Variants in ROBO2 observed in about 807,000 individuals in gnomAD.
ROBO2 encodes the protein roundabout homolog 2.
Under a neutral mutation model 160.8 loss-of-function variants are expected in ROBO2, and 53 were observed. That is an observed-to-expected ratio of 0.33 (90% confidence interval 0.26 to 0.41). The LOEUF is 0.41. ROBO2 is among the 10% of genes least tolerant of loss of function. ROBO2 has a pLI of 1.00. For synonymous variants in ROBO2, 664 were observed against 611.7 expected, an observed-to-expected ratio of 1.09 and a Z score of -1.26; for missense variants, 1,577 against 1,722.4, an observed-to-expected ratio of 0.92 and a Z score of 1.49.
intron 5 of ROBO2, among the ~76,000 whole-genome samples, chr3:77,520,610 T>G (rs2090497290): frequency 6.6e-6 from 1 of 151,146 alleles, no homozygotes; most frequent in African/African-American, 2.4e-5. Context: ...CTCTTGTAGC[T>G]CTTGAAAAAA....
At chr3:77,029,006 G>T (rs1356491125) in intron 2 of ROBO2, among the ~76,000 whole-genome samples, 1 of 152,082 alleles carries the variant, frequency 6.6e-6, no homozygotes, top group East Asian at 1.9e-4. Context: ...AATTTGGTCC[G>T]GGATTTTTGT....
chr3:76,324,607 G>A lies in ROBO2; in HGVS notation c.109+387005G>A, dbSNP rs2072855455. On this transcript the variant is annotated intron_variant, in intron 2 of 26. Coordinates refer to the ROBO2 transcript ENST00000487694. ...TGTGTTGTGTGTAGATTCAAAACAT[G>A]TTTAAGATCCACGTGAGTCTAATTT... 1.3e-5 allele frequency among the ~76,000 whole-genome samples: 2 copies of A among 151,620 alleles called. 1 individual carries two copies. Among genetic ancestry groups the A allele is most frequent in the South Asian group, 4.2e-4 (2 of 4,794 alleles).
intron 1 of ROBO2, among the ~76,000 whole-genome samples, chr3:75,922,655 A>G (rs970962356): frequency 5.3e-5 from 8 of 152,146 alleles, no homozygotes; most frequent in Admixed American, 3.9e-4. Context: ...AATAGAGAGC[A>G]TTATTGATAC....
At chr3:77,595,544 TAATC>T (rs2094283037) in intron 18 of ROBO2, among the ~76,000 whole-genome samples, 1 of 152,232 alleles carries the variant, frequency 6.6e-6, no homozygotes, top group Admixed American at 6.5e-5. Flanking sequence ...CAATTACACA[TAATC>T]GATCACAAAG....
At chr3:77,450,923 G>T (rs1006846746) in intron 2 of ROBO2, among the ~76,000 whole-genome samples, 11 of 147,554 alleles carry the variant, frequency 7.5e-5, no homozygotes, top group African/African-American at 2.7e-4. Context: ...TGAAAGAATT[G>T]CACATTTCAT....
chr3:77,399,603 G>T (rs1402793471), intron 2 of ROBO2, among the ~76,000 whole-genome samples: 2 of 152,076 alleles, frequency 1.3e-5, no homozygotes, highest in Non-Finnish European at 2.9e-5. Flanking sequence ...ATAACATGTG[G>T]TTAGACCATA....
chr3:76,022,010 C>A (rs1041318502), intron 2 of ROBO2, among the ~76,000 whole-genome samples: 1 of 151,522 alleles, frequency 6.6e-6, no homozygotes, highest in Non-Finnish European at 1.5e-5. Flanking sequence ...GCTCTATCAA[C>A]TAAGTTTCTG....
chr3:77,196,342 T>A (rs1330057533), intron 2 of ROBO2, among the ~76,000 whole-genome samples: 2 of 146,964 alleles, frequency 1.4e-5, no homozygotes, highest in African/African-American at 5.1e-5. Flanking sequence ...TTTTTTTTTT[T>A]AACCTGGAAC....
At position 77,587,814 on chromosome 3, in the gene ROBO2, G is replaced by T. The variant is rs140003744; in HGVS notation, c.2501-937G>T. 1.7e-3 allele frequency among the ~76,000 whole-genome samples: 264 copies of T among 152,152 alleles called. 2 individuals carry two copies. The highest frequency in any genetic ancestry group is 2.7e-3 in the Non-Finnish European group (185 of 67,992). On this transcript the variant is annotated intron_variant, in intron 16 of 25. Transcript: ENST00000461745. ...TTTGCTTACCATTTACCTTTTAAAA[G>T]TCTTTCATTAATCACTAATTAGGCA...
intron 5 of ROBO2, among the ~76,000 whole-genome samples, chr3:77,518,147 A>C (rs1323730293): frequency 6.6e-6 from 1 of 151,456 alleles, no homozygotes; most frequent in Non-Finnish European, 1.5e-5. Context: ...ATATGTTATC[A>C]TATATAGAAG....
chr3:77,302,651 G>C (rs571807176), intron 2 of ROBO2, among the ~76,000 whole-genome samples: 1 of 152,154 alleles, frequency 6.6e-6, no homozygotes, highest in Admixed American at 6.6e-5. Flanking sequence ...CAGCTCACTC[G>C]ATTATTATAA....
chr3:76,938,971 CAAAAAA>C (rs71629626), intron 2 of ROBO2, among the ~76,000 whole-genome samples: 1 of 114,582 alleles, frequency 8.7e-6, no homozygotes, highest in African/African-American at 3.1e-5. Context: ...AACTCAGTCT[CAAAAAA>C]AAAAAAAAAA....
chr3:75,942,044 C>T (rs541921124), intron 2 of ROBO2, among the ~76,000 whole-genome samples: 1 of 152,158 alleles, frequency 6.6e-6, no homozygotes, highest in South Asian at 2.1e-4. Context: ...TTTTATTGTT[C>T]CCTTCATTTT....
intron 2 of ROBO2, among the ~76,000 whole-genome samples, chr3:76,383,978 T>A (rs902855416): frequency 2.0e-5 from 3 of 152,202 alleles, no homozygotes; most frequent in Non-Finnish European, 4.4e-5. Flanking sequence ...AACTGGCAGA[T>A]GTCAGAGCAT....
intron 2 of ROBO2, among the ~76,000 whole-genome samples, chr3:77,010,317 C>A (rs2061807174): frequency 6.6e-6 from 1 of 152,280 alleles, no homozygotes; most frequent in South Asian, 2.1e-4. Flanking sequence ...TGGACTGTTA[C>A]AATAGTTTTA....
In ROBO2 at chr3:77,623,276, C is replaced by T. The variant is rs376351792; in HGVS notation, c.3760+844C>T. Reference sequence around the variant, plus strand: ...AGACCGAGCTACTACAAACTGAAGTCTGGTCTCTGCATTTCACTGGGTCTT... The same window carrying T: ...AGACCGAGCTACTACAAACTGAAGTTTGGTCTCTGCATTTCACTGGGTCTT... On this transcript the variant is annotated intron_variant, in intron 23 of 25. Transcript: ENST00000461745. 3.3e-5 allele frequency among the ~76,000 whole-genome samples: 5 copies of T among 151,706 alleles called. No homozygotes were observed. The East Asian group carries it at 9.8e-4, about 30-fold the overall frequency.
At chr3:76,613,685 G>A (rs549973231) in intron 2 of ROBO2, among the ~76,000 whole-genome samples, 1 of 151,906 alleles carries the variant, frequency 6.6e-6, no homozygotes, top group African/African-American at 2.4e-5. Flanking sequence ...AAGGAGAGGG[G>A]CGTGAGTTAA....
chr3:76,237,329 T>A (rs1705006844), intron 2 of ROBO2, among the ~76,000 whole-genome samples: 1 of 152,196 alleles, frequency 6.6e-6, no homozygotes, highest in African/African-American at 2.4e-5. Flanking sequence ...ATTAATGGTT[T>A]TGTTTTTTCT....
intron 2 of ROBO2, among the ~76,000 whole-genome samples, chr3:76,028,654 G>A (rs55910238): frequency 0.055 from 8,297 of 151,846 alleles, 736 homozygotes; most frequent in African/African-American, 0.18. Flanking sequence ...ACTATGGTGC[G>A]GTATAAAATT....
Sources: gnomAD v4.1 joint callset for allele counts (sites outside exome capture counted in the v4.1 genomes callset) on GRCh38, gnomAD v4.1.1 for gene constraint, MANE v1.5 for transcripts, NCBI Gene and HGNC (gene_info 2026-07-23, HGNC 2026-07-21) for gene names.